CEMIP2: variants seen among roughly 807,000 people sequenced by gnomAD.
CEMIP2 encodes the protein cell surface hyaluronidase CEMIP2.
Under a neutral mutation model 146.9 loss-of-function variants are expected in CEMIP2, and 79 were observed. The ratio of observed to expected loss-of-function variants is 0.54; its 90% CI spans 0.45 to 0.65. The LOEUF (loss-of-function observed/expected upper bound fraction) is 0.65. Among genes scored for constraint, CEMIP2 ranks in the 30% least tolerant of loss-of-function variants. The pLI is 0.00. For missense variants in CEMIP2, 1,596 were observed against 1,696.2 expected, an observed-to-expected ratio of 0.94 and a Z score of 1.04; for synonymous variants, 601 against 606.3, an observed-to-expected ratio of 0.99 and a Z score of 0.13.
At chr9:71,730,346 G>A (rs1314041927) in intron 8 of CEMIP2, 93 bp from the exon 9 acceptor site, 26 of 1,293,808 alleles carry the variant, frequency 2.0e-5, no homozygotes, top group Middle Eastern at 2.6e-4. Context: ...TTCAGTACAA[G>A]TGGAAAAACA....
chr9:71,729,228 C>T (rs774049899), intron 10 of CEMIP2, among the ~76,000 whole-genome samples: 50 of 152,126 alleles, frequency 3.3e-4, no homozygotes, highest in Non-Finnish European at 6.5e-4. Flanking sequence ...AAAGGTTGTA[C>T]TTAATACACC....
Position 71,735,144 on chromosome 9 carries a change from C to T in CEMIP2, c.1205-150G>A, listed in dbSNP as rs559471658. ...TACGCATGCTACCATGTATTAGTCA[C>T]TCTACAGATATAAGTAATAAAAATA... On this transcript the variant is annotated intron_variant, in intron 5 of 23. Coordinates refer to ENST00000377044, the MANE Select transcript of CEMIP2 (RefSeq NM_013390.3). 1.0e-3 allele frequency: 903 copies of T among 869,366 alleles called. 2 individuals carry two copies. The highest frequency in any genetic ancestry group is 7.7e-3 in the Middle Eastern group (23 of 2,984). The allele number at this position is 869,366 out of a possible 1,614,324, so 53.9% of individuals were successfully genotyped here.
intron 16 of CEMIP2, 24 bp from the exon 17 acceptor site, chr9:71,709,498 C>T (rs1011690667): frequency 2.4e-5 from 39 of 1,604,742 alleles, no homozygotes; most frequent in Non-Finnish European, 3.3e-5. Flanking sequence ...AAAAGAAAGA[C>T]ATCACAAAGT....
At chr9:71,728,140 T>A (rs1337418565) in intron 10 of CEMIP2, among the ~76,000 whole-genome samples, 3 of 146,432 alleles carry the variant, frequency 2.0e-5, no homozygotes. Context: ...CTAAGGCAGG[T>A]GGATAGCTTG....
intron 1 of CEMIP2, among the ~76,000 whole-genome samples, chr9:71,755,344 T>C (rs905658966): frequency 1.3e-5 from 1 of 75,648 alleles, no homozygotes; most frequent in Non-Finnish European, 2.4e-5. Context: ...ACACCCTGTC[T>C]CTACACACAC....
At chr9:71,686,688 G>A (rs918439780) in intron 22 of CEMIP2, 4 of 152,024 alleles carry the variant, frequency 2.6e-5, no homozygotes, top group African/African-American at 7.3e-5. Context: ...AATTTGTGAG[G>A]CACAAGTGCA....
At chr9:71,728,163 C>T (rs995733502) in intron 10 of CEMIP2, among the ~76,000 whole-genome samples, 86 of 130,618 alleles carry the variant, frequency 6.6e-4, no homozygotes, top group African/African-American at 2.4e-3. Flanking sequence ...CCCAGGAGTT[C>T]GAGATCTGTC....
At chr9:71,754,215 T>TA (rs1172547012) in intron 1 of CEMIP2, among the ~76,000 whole-genome samples, 6 of 151,872 alleles carry the variant, frequency 4.0e-5, no homozygotes, top group African/African-American at 7.3e-5. Context: ...AGTATAATAA[T>TA]AAAAAAAAGA....
rs1564012265 is a variant in CEMIP2, at chr9:71,728,258, CACG to C, written c.2049+1584_2049+1586del. 6.2e-3 allele frequency among the ~76,000 whole-genome samples: 48 copies of C among 7,682 alleles called. 2 individuals carry two copies. Among genetic ancestry groups the C allele is most frequent in the Non-Finnish European group, 8.5e-3 (24 of 2,836 alleles). The allele number at this position is 7,682 out of a possible 152,430, so 5.0% of individuals were successfully genotyped here. A position where few individuals can be genotyped will look rare whatever the true frequency, so the allele number is the denominator to read the frequency against. On this transcript the variant is annotated intron_variant, in intron 10 of 23. Coordinates refer to ENST00000377044, the MANE Select transcript of CEMIP2 (RefSeq NM_013390.3). ...ATATATATATATATATATGTATATA[CACG>C]TATATATATATATATATATGTATAT... is the stretch of plus-strand genomic sequence containing the variant.
chr9:71,746,484 C>A, intron 2 of CEMIP2, 143 bp from the exon 3 acceptor site: 2 of 891,764 alleles, frequency 2.2e-6, no homozygotes, highest in Non-Finnish European at 3.3e-6. Context: ...GGAAATCCCA[C>A]GCCTTCCCAC....
chr9:71,741,897 T>C (rs1161493179), intron 4 of CEMIP2, among the ~76,000 whole-genome samples: 1 of 151,820 alleles, frequency 6.6e-6, no homozygotes, highest in East Asian at 1.9e-4. Context: ...CTGACCTCCT[T>C]GGCCTCCTAA....
At chr9:71,734,214 G>C (rs114149500) in intron 6 of CEMIP2, among the ~76,000 whole-genome samples, 1 of 151,142 alleles carries the variant, frequency 6.6e-6, no homozygotes, top group Non-Finnish European at 1.5e-5. Context: ...TTTTGTTTTT[G>C]TTTTTGTTTT....
chr9:71,705,319 G>A (rs914516503), intron 17 of CEMIP2, among the ~76,000 whole-genome samples: 2 of 151,676 alleles, frequency 1.3e-5, no homozygotes, highest in African/African-American at 4.8e-5. Context: ...ATAAAGTACT[G>A]TGCAACAACT....
chr9:71,690,852 C>T (rs1396463087), intron 21 of CEMIP2, among the ~76,000 whole-genome samples: 1 of 152,186 alleles, frequency 6.6e-6, no homozygotes, highest in Admixed American at 6.5e-5. Flanking sequence ...TTTTCAAAGT[C>T]ATCCTCTTTA....
intron 20 of CEMIP2, 124 bp from the exon 21 acceptor site, chr9:71,694,731 T>C: frequency 1.6e-6 from 1 of 637,710 alleles, no homozygotes; most frequent in Non-Finnish European, 2.8e-6. Context: ...TTTTTGTACA[T>C]ATTTCATGAC....
intron 2 of CEMIP2, 107 bp from the exon 3 acceptor site, chr9:71,746,448 A>G (rs1824091426): frequency 2.2e-6 from 3 of 1,351,242 alleles, no homozygotes; most frequent in Admixed American, 2.1e-5. Context: ...ATGTGCTAAC[A>G]TATGTTGATT....
Position 71,728,815 on chromosome 9 carries a change from TTG to T in CEMIP2, c.2049+1028_2049+1029del, listed in dbSNP as rs33987875. Among the ~76,000 whole-genome samples, 992 of 148,278 alleles carry T rather than the reference TTG, an allele frequency of 6.7e-3. 39 individuals are homozygous for T. Among genetic ancestry groups the T allele is most frequent in the Admixed American group, 0.048 (711 of 14,890 alleles). ...AGCTAAGGTCTTTTTTGTGGGGTTT[TTG>T]TGTGTGTGTGTGTGTGTGTGTGTGT... On this transcript the variant is annotated intron_variant, in intron 10 of 23. Coordinates refer to ENST00000377044, the MANE Select transcript of CEMIP2 (RefSeq NM_013390.3).
At chr9:71,690,333 C>A in intron 21 of CEMIP2, 87 bp from the exon 22 acceptor site, 1 of 1,437,892 alleles carries the variant, frequency 7.0e-7, no homozygotes, top group South Asian at 1.3e-5. Context: ...TTCCCTGTGT[C>A]TTCTAAACCC....
intron 20 of CEMIP2, among the ~76,000 whole-genome samples, chr9:71,696,900 G>T (rs1462476117): frequency 6.6e-6 from 1 of 151,784 alleles, no homozygotes; most frequent in Non-Finnish European, 1.5e-5. Flanking sequence ...AAAAGAGAGA[G>T]AAATATGGAA....
Sources: gnomAD v4.1 joint callset for allele counts (sites outside exome capture counted in the v4.1 genomes callset) on GRCh38, gnomAD v4.1.1 for gene constraint, MANE v1.5 for transcripts, NCBI Gene and HGNC (gene_info 2026-07-23, HGNC 2026-07-21) for gene names.